The following SMS variants were observed in gnomAD, a reference collection of about 807,000 sequenced individuals.
SMS encodes the protein spermine synthase, also known as spermidine aminopropyltransferase.
Under a neutral mutation model 33.0 loss-of-function variants are expected in SMS, and 3 were observed. The observed-to-expected ratio is 0.09, with a 90% CI of 0.04 to 0.23. The LOEUF (loss-of-function observed/expected upper bound fraction) is 0.23, where lower values mean the gene tolerates loss of function less well. Among genes scored for constraint, SMS ranks in the 10% least tolerant of loss-of-function variants. The probability of loss-of-function intolerance (pLI) is 1.00; values close to 1 mark genes in which losing one functional copy is unlikely to be tolerated. For missense variants in SMS, 117 were observed against 288.6 expected (o/e 0.41, Z 4.31); for synonymous variants, 103 against 112.2 (o/e 0.92, Z 0.52).
chrX:21,978,900 G>T lies in SMS; in HGVS notation c.684G>T (p.Gly228=). 8.3e-7 allele frequency: 1 copy of T among 1,206,565 alleles called. No homozygotes were observed. Among genetic ancestry groups the T allele is most frequent in the East Asian group, 3.0e-5 (1 of 33,819 alleles). The change falls in exon 7 of 11, where the codon GGG becomes GGT. Residue 228 remains glycine, a synonymous_variant. Transcript: ENST00000404933. The part of the protein sequence containing the change: ...MVEIDQMVID[G]CKKYMRKTCG... Reference sequence around the variant, plus strand: ...ACATTGACCAAATGGTGATTGATGGGTGTAAGAAATACATGCGAAAAACGT... The same window carrying T: ...ACATTGACCAAATGGTGATTGATGGTTGTAAGAAATACATGCGAAAAACGT...
intron 6 of SMS, 146 bp downstream of exon 6, chrX:21,978,260 C>A: frequency 1.8e-6 from 1 of 559,048 alleles, no homozygotes; most frequent in Non-Finnish European, 3.1e-6. Flanking sequence ...AGTAACAGTA[C>A]CCTTTTATGT....
At chrX:21,942,568 TAGGTG>T (rs1288884696) in intron 1 of SMS, among the ~76,000 whole-genome samples, 1 of 111,865 alleles carries the variant, frequency 8.9e-6, no homozygotes, top group Admixed American at 9.5e-5. Context: ...CCACATTTCT[TAGGTG>T]AGGATGGTAG....
intron 1 of SMS, among the ~76,000 whole-genome samples, chrX:21,947,656 T>A (rs971794786): frequency 9.0e-6 from 1 of 111,423 alleles, no homozygotes; most frequent in African/African-American, 3.3e-5. Flanking sequence ...CGTTTGGGGA[T>A]GGGCCCGATC....
At chrX:21,988,271 GC>G (rs1925491526) in intron 9 of SMS, among the ~76,000 whole-genome samples, 1 of 109,041 alleles carries the variant, frequency 9.2e-6, no homozygotes, top group Admixed American at 9.8e-5. Flanking sequence ...TGATGTAGTT[GC>G]CACAGTGCAG....
Position 21,977,051 on chromosome X carries a change from C to G in SMS, c.330-10C>G, listed in dbSNP as rs1460331906. 5 of 1,206,922 alleles carry G rather than the reference C, an allele frequency of 4.1e-6. No individual in the cohort carries two copies. Among genetic ancestry groups the G allele is most frequent in the Non-Finnish European group, 4.5e-6 (4 of 891,083 alleles). On this transcript the variant is annotated splice_polypyrimidine_tract_variant and intron_variant, in intron 4 of 10. Transcript: ENST00000404933. ...TAGTAAGGTACATTTCTGTTTTTCT[C>G]TTTTTCCAGATTACCACCCATAGTG...
chrX:21,983,205 G>C (rs1436520026), intron 7 of SMS, among the ~76,000 whole-genome samples: 1 of 109,385 alleles, frequency 9.1e-6, no homozygotes, highest in African/African-American at 3.3e-5. Context: ...AGGCCCAGCT[G>C]ATTTTTCTTT....
At chrX:21,988,447 C>T (rs765568064) in intron 9 of SMS, among the ~76,000 whole-genome samples, 10 of 110,019 alleles carry the variant, frequency 9.1e-5, no homozygotes, top group Non-Finnish European at 1.5e-4. Flanking sequence ...AGGAGGATCA[C>T]GAGATCAGGA....
chrX:21,956,627 GCCCGGC>G (rs2147497457), intron 1 of SMS, among the ~76,000 whole-genome samples: 1 of 110,778 alleles, frequency 9.0e-6, no homozygotes, highest in African/African-American at 3.3e-5. Context: ...GCGCCACCAC[GCCCGGC>G]TAATTTTTGT....
intron 5 of SMS, 150 bp from the exon 6 acceptor site, chrX:21,977,810 G>A: frequency 3.5e-6 from 2 of 579,288 alleles, no homozygotes; most frequent in Admixed American, 2.6e-5. Flanking sequence ...GTCCTCAATG[G>A]AAAAAAAGCT....
intron 1 of SMS, among the ~76,000 whole-genome samples, chrX:21,965,970 GTC>G (rs1923691857): frequency 9.0e-6 from 1 of 110,550 alleles, no homozygotes; most frequent in Non-Finnish European, 1.9e-5. Flanking sequence ...AATAAAAAAA[GTC>G]TGTGCAGGCC....
chrX:21,941,661 C>T (rs1448198912), intron 1 of SMS, among the ~76,000 whole-genome samples: 2 of 109,044 alleles, frequency 1.8e-5, no homozygotes, highest in Non-Finnish European at 3.8e-5. Flanking sequence ...CCGAGGCGGG[C>T]GGATCACGAG....
chrX:21,983,244 C>T (rs925356720), intron 7 of SMS, among the ~76,000 whole-genome samples: 2 of 110,211 alleles, frequency 1.8e-5, no homozygotes, highest in Non-Finnish European at 3.8e-5. Flanking sequence ...TTCACCATGT[C>T]GCCCAGGCTG....
In SMS at chrX:21,987,290, C is replaced by A. The variant is rs768582602; in HGVS notation, c.945+2067C>A. Among the ~76,000 whole-genome samples, 524 of 112,318 alleles carry A rather than the reference C, an allele frequency of 4.7e-3. 3 individuals carry two copies. The highest frequency in any genetic ancestry group is 6.8e-3 in the Non-Finnish European group (362 of 53,244). On this transcript the variant is annotated intron_variant, in intron 9 of 10. Transcript: ENST00000404933. ...GGGATTACAGGCGCGAGCCACTGCG[C>A]CCAGCCATGATGGGTACTTTTTAAG...
chrX:21,977,109 C>A lies in SMS; in HGVS notation c.378C>A (p.Thr126=). The A allele has an allele frequency of 2.5e-6, 3 of 1,207,640 alleles. No individual in the cohort carries two copies. The highest frequency in any genetic ancestry group is 3.4e-6 in the Non-Finnish European group (3 of 891,866). Residue 126 remains threonine (T), a synonymous_variant, in exon 5 of 11, where the codon ACC becomes ACA. Coordinates refer to ENST00000404933, the MANE Select transcript of SMS (RefSeq NM_004595.5). The stretch of plus-strand genomic sequence containing the variant: ...GAGCCATCGACAGATACTGGCCCAC[C>A]GCCGACGGGCGCCTGGTTGAATATG... ...RGGAIDRYWP[T]ADGRLVEYDI... is the part of the protein sequence containing the mutation.
intron 7 of SMS, among the ~76,000 whole-genome samples, chrX:21,981,032 G>C (rs368052840): frequency 1.8e-5 from 2 of 111,837 alleles, no homozygotes; most frequent in East Asian, 5.6e-4. Flanking sequence ...TTCTTGTATT[G>C]AAAGAACAGG....
At chrX:21,977,615 C>A (rs1430535076) in intron 5 of SMS, among the ~76,000 whole-genome samples, 2 of 112,082 alleles carry the variant, frequency 1.8e-5, no homozygotes, top group Non-Finnish European at 3.8e-5. Context: ...TTTACCTAAA[C>A]CCCAGTCCAC....
In SMS at chrX:21,977,250, C is replaced by G; in HGVS notation, c.505+14C>G. ...GTGGGGATGTTAGTAAGTATTCCAT[C>G]CCTGCCCCGATCACGTAACAAAGTG... On this transcript the variant is annotated intron_variant, in intron 5 of 10. Transcript: ENST00000404933. 1.7e-6 allele frequency: 2 copies of G among 1,172,833 alleles called. No individual in the cohort carries two copies. The highest frequency in any genetic ancestry group is 3.6e-5 in the South Asian group (2 of 56,074).
intron 9 of SMS, among the ~76,000 whole-genome samples, chrX:21,991,521 A>G (rs1925759567): frequency 8.9e-6 from 1 of 112,297 alleles, no homozygotes; most frequent in Non-Finnish European, 1.9e-5. Flanking sequence ...ACCTGGATTC[A>G]GTAGTCTTGT....
intron 4 of SMS, among the ~76,000 whole-genome samples, chrX:21,974,907 T>C (rs1924440906): frequency 9.4e-6 from 1 of 106,741 alleles, no homozygotes; most frequent in South Asian, 4.2e-4. Context: ...AGAGGTTAAA[T>C]GTTAGAGATT....
Sources: allele counts gnomAD v4.1 joint callset (sites outside exome capture counted in the v4.1 genomes callset), GRCh38; gene constraint gnomAD v4.1.1; transcripts MANE v1.5; gene names NCBI Gene and HGNC (gene_info 2026-07-23, HGNC 2026-07-21).